MATN3: variants seen among roughly 807,000 people sequenced by gnomAD.
MATN3 encodes the protein matrilin-3.
A neutral mutation model predicts 45.3 loss-of-function variants in MATN3; 48 were observed. The observed-to-expected ratio is 1.06, with a 90% confidence interval of 0.84 to 1.35. The LOEUF is 1.35. Ranked by LOEUF, MATN3 falls within the 40% of genes most tolerant of loss-of-function variation. MATN3 has a pLI of 0.00. For synonymous variants in MATN3, 217 were observed against 245.9 expected, an observed-to-expected ratio of 0.88 and a Z score of 1.10; for missense variants, 599 against 628.0, an observed-to-expected ratio of 0.95 and a Z score of 0.49.
chr2:19,992,325 A>G lies in MATN3; in HGVS notation c.*786T>C, dbSNP rs1189287419. 1 of 152,156 alleles carries G rather than the reference A, an allele frequency of 6.6e-6. No homozygotes were observed. Among genetic ancestry groups the G allele is most frequent in the East Asian group, 1.9e-4 (1 of 5,200 alleles). 9.4% of individuals were successfully genotyped at this position (152,156 alleles called of 1,614,324 possible). ...AGGCTGAGGCAGGTGGATCACTAACATTAAAAAGACAACATTAGATTTTGT... is the reference window on the plus strand; with the variant it reads ...AGGCTGAGGCAGGTGGATCACTAACGTTAAAAAGACAACATTAGATTTTGT... On this transcript the variant is annotated 3_prime_UTR_variant, in exon 8 of 8. Transcript: ENST00000407540.
At chr2:20,009,461 A>G (rs1342408628) in intron 1 of MATN3, among the ~76,000 whole-genome samples, 3 of 152,004 alleles carry the variant, frequency 2.0e-5, no homozygotes, top group Non-Finnish European at 4.4e-5. Flanking sequence ...GGGGAACATC[A>G]CACACCAGCG....
intron 1 of MATN3, among the ~76,000 whole-genome samples, chr2:20,007,025 G>A (rs1027747090): frequency 1.3e-5 from 2 of 152,082 alleles, no homozygotes; most frequent in Non-Finnish European, 2.9e-5. Context: ...AGACCATCAC[G>A]GTGAAACCCC....
intron 5 of MATN3, 108 bp downstream of exon 5, chr2:20,000,333 T>G (rs1672960240): frequency 2.0e-6 from 2 of 975,852 alleles, no homozygotes; most frequent in Non-Finnish European, 3.0e-6. Flanking sequence ...TGATAGAATG[T>G]CTGAACCTTG....
chr2:20,006,446 C>G (rs550947154), intron 1 of MATN3, 136 bp from the exon 2 acceptor site: 2 of 641,712 alleles, frequency 3.1e-6, no homozygotes, highest in South Asian at 4.2e-5. Flanking sequence ...GCGACCTTCC[C>G]CAAGACCATC....
intron 6 of MATN3, among the ~76,000 whole-genome samples, chr2:19,996,273 T>C (rs1011445113): frequency 6.6e-6 from 1 of 152,106 alleles, no homozygotes; most frequent in Non-Finnish European, 1.5e-5. Flanking sequence ...GAATAAATAT[T>C]TTTAAAAGTA....
chr2:20,008,868 C>A (rs1456605403), intron 1 of MATN3, among the ~76,000 whole-genome samples: 1 of 152,114 alleles, frequency 6.6e-6, no homozygotes, highest in Non-Finnish European at 1.5e-5. Context: ...CAGTAAACAT[C>A]CTGCTTGTTG....
chr2:20,000,631 G>A (rs1672967270), intron 4 of MATN3, 65 bp from the exon 5 acceptor site: 20 of 1,480,822 alleles, frequency 1.4e-5, no homozygotes, highest in Non-Finnish European at 1.3e-5. Flanking sequence ...ACCCAGGATA[G>A]AAACCTTATT....
intron 4 of MATN3, among the ~76,000 whole-genome samples, chr2:20,001,533 A>G (rs1387626506): frequency 6.6e-6 from 1 of 152,248 alleles, no homozygotes. Context: ...TATTGAGCAC[A>G]GCATGTCAGG....
intron 1 of MATN3, among the ~76,000 whole-genome samples, chr2:20,010,064 T>TCCAAA (rs1247085339): frequency 1.5e-3 from 16 of 10,770 alleles, no homozygotes; most frequent in South Asian, 5.2e-3. Context: ...TCTCTTCAAA[T>TCCAAA]ACTAAAAAAA....
intron 5 of MATN3, chr2:19,997,578 C>T (rs890834686): frequency 1.7e-5 from 3 of 177,166 alleles, no homozygotes; most frequent in African/African-American, 7.1e-5. Flanking sequence ...TCCAGCCTTT[C>T]CCGATGACTA....
chr2:20,010,629 G>T (rs1022005241), intron 1 of MATN3, among the ~76,000 whole-genome samples: 2 of 152,148 alleles, frequency 1.3e-5, no homozygotes, highest in South Asian at 4.1e-4. Context: ...GAAGAAAAAG[G>T]CCATAAGCCA....
intron 1 of MATN3, among the ~76,000 whole-genome samples, chr2:20,009,893 G>C (rs1199355466): frequency 6.6e-6 from 1 of 151,580 alleles, no homozygotes; most frequent in East Asian, 1.9e-4. Context: ...CACCTTTTAG[G>C]ACCAAACCAA....
At chr2:20,008,397 T>G (rs1673153427) in intron 1 of MATN3, among the ~76,000 whole-genome samples, 1 of 152,178 alleles carries the variant, frequency 6.6e-6, no homozygotes, top group Middle Eastern at 3.2e-3. Context: ...AAGTTGATGC[T>G]ACTCTAGGAA....
chr2:20,007,422 G>C (rs1226978365), intron 1 of MATN3, among the ~76,000 whole-genome samples: 1 of 151,906 alleles, frequency 6.6e-6, no homozygotes, highest in African/African-American at 2.4e-5. Flanking sequence ...CCAGCTACTC[G>C]GGAGGCTGAG....
At chr2:19,996,448 C>T (rs1195962800) in intron 6 of MATN3, among the ~76,000 whole-genome samples, 1 of 151,894 alleles carries the variant, frequency 6.6e-6, no homozygotes, top group Non-Finnish European at 1.5e-5. Flanking sequence ...CATTAGTAAC[C>T]AGGAAATGAA....
chr2:20,012,507 CG>C lies in MATN3; in HGVS notation c.124del (p.Arg42GlufsTer61). 8.1e-7 allele frequency: 1 copy of C among 1,228,536 alleles called. No individual in the cohort carries two copies. The highest frequency in any genetic ancestry group is 1.0e-6 in the Non-Finnish European group (1 of 986,056). 76.1% of individuals were successfully genotyped at this position (1,228,536 alleles called of 1,614,324 possible). On this transcript the variant is annotated frameshift_variant, in exon 1 of 8. Coordinates refer to ENST00000407540, the MANE Select transcript of MATN3 (RefSeq NM_002381.5). LOFTEE classifies it high-confidence loss of function. This position sits in a 1 kb window ranked among gnomAD's most constrained non-coding sequence, Gnocchi z 4.3. ...ARPGFRRLET[R>X]GPGGSPGRRP... ...GCGTCCAGGGCTGCCCCCGGGACCTCGGGTCTCCAGCCTCCGGAAGCCCGGG... is the reference window on the plus strand; with the variant it reads ...GCGTCCAGGGCTGCCCCCGGGACCTCGGTCTCCAGCCTCCGGAAGCCCGGG...
rs147407955 is a variant in MATN3, at chr2:20,002,191, C to CACACACACACACACACACACACACACAG, written c.917-112_917-111insCTGTGTGTGTGTGTGTGTGTGTGTGTGT. On this transcript the variant is annotated intron_variant, in intron 3 of 7. Transcript: ENST00000407540. The stretch of plus-strand genomic sequence containing the variant: ...ACACACACACACACACACACACACA[C>CACACACACACACACACACACACACACAG]AGAGCTAATGAAACAAGGGAGGGGC... 20 of 758,226 alleles carry CACACACACACACACACACACACACACAG rather than the reference C, an allele frequency of 2.6e-5. No homozygotes were observed. The East Asian group carries it at 5.4e-4, about 21-fold the overall frequency. 47.0% of individuals were successfully genotyped at this position (758,226 alleles called of 1,614,324 possible).
intron 2 of MATN3, 86 bp from the exon 3 acceptor site, chr2:20,003,372 T>C: frequency 3.7e-6 from 5 of 1,342,732 alleles, no homozygotes; most frequent in Non-Finnish European, 5.0e-6. Context: ...CATTGCTCTC[T>C]GGGCTCCTTT....
At chr2:19,994,436 T>G (rs376389357) in intron 6 of MATN3, 27 bp from the exon 7 acceptor site, 22 of 1,287,282 alleles carry the variant, frequency 1.7e-5, no homozygotes, top group Middle Eastern at 1.8e-4. Flanking sequence ...TACACAAATA[T>G]ACTATCTAGG....
Sources: gnomAD v4.1 joint callset for allele counts (sites outside exome capture counted in the v4.1 genomes callset) on GRCh38, gnomAD v4.1.1 for gene constraint, Gnocchi (gnomAD v3.1) non-coding constraint, MANE v1.5 for transcripts, NCBI Gene and HGNC (gene_info 2026-07-23, HGNC 2026-07-21) for gene names.